CDH13: variants seen among roughly 807,000 people sequenced by gnomAD.
The protein encoded by CDH13 is cadherin 13, also known as cadherin-13.
Under a neutral mutation model 63.8 loss-of-function variants are expected in CDH13, and 24 were observed. The ratio of observed to expected loss-of-function variants is 0.38; its 90% CI spans 0.27 to 0.53. The LOEUF is 0.53. Ranked by LOEUF, CDH13 falls within the 20% of genes least tolerant of loss-of-function variation. CDH13 has a pLI of 0.85. For missense variants in CDH13, 1,049 were observed against 903.1 expected, an observed-to-expected ratio of 1.16 and a Z score of -2.07; for synonymous variants, 503 against 355.3, an observed-to-expected ratio of 1.42 and a Z score of -4.67.
chr16:82,811,929 C>T (rs999324986), intron 1 of CDH13, among the ~76,000 whole-genome samples: 1 of 152,084 alleles, frequency 6.6e-6, no homozygotes, highest in Non-Finnish European at 1.5e-5. Context: ...TTTGAAGTGC[C>T]TTTTGAGTAT....
chr16:83,686,567 C>T (rs924193235), intron 10 of CDH13, among the ~76,000 whole-genome samples: 1 of 152,158 alleles, frequency 6.6e-6, no homozygotes, highest in South Asian at 2.1e-4. Context: ...TTTACATTTG[C>T]AAACTATTTG....
intron 7 of CDH13, among the ~76,000 whole-genome samples, chr16:83,567,894 C>A (rs1180873440): frequency 6.6e-6 from 1 of 152,204 alleles, no homozygotes; most frequent in Non-Finnish European, 1.5e-5. Flanking sequence ...CACGCCCGGC[C>A]TAGACACAAG....
intron 8 of CDH13, among the ~76,000 whole-genome samples, chr16:83,647,698 G>A (rs1911966859): frequency 6.6e-6 from 1 of 152,114 alleles, no homozygotes; most frequent in African/African-American, 2.4e-5. Flanking sequence ...CCCCTCAAAT[G>A]GCCCATCTTT....
chr16:82,744,058 A>G (rs1567490283), intron 1 of CDH13, among the ~76,000 whole-genome samples: 1 of 152,198 alleles, frequency 6.6e-6, no homozygotes, highest in African/African-American at 2.4e-5. Context: ...CTATTTCTTA[A>G]TGGAGAGATT....
intron 5 of CDH13, among the ~76,000 whole-genome samples, chr16:83,251,579 G>C (rs922988454): frequency 1.3e-5 from 2 of 152,206 alleles, no homozygotes; most frequent in Non-Finnish European, 2.9e-5. Context: ...ACTGAATCCT[G>C]AATGTCAGGA....
At chr16:83,651,943 TCA>T (rs1912422792) in intron 8 of CDH13, among the ~76,000 whole-genome samples, 1 of 152,170 alleles carries the variant, frequency 6.6e-6, no homozygotes, top group Admixed American at 6.5e-5. Flanking sequence ...GCGTCTCTCC[TCA>T]CGCAGATTTT....
intron 3 of CDH13, among the ~76,000 whole-genome samples, chr16:83,105,613 A>G (rs997401541): frequency 7.2e-5 from 11 of 152,228 alleles, no homozygotes; most frequent in African/African-American, 1.9e-4. Context: ...AGAGGTTGCC[A>G]TGTGATATTA....
chr16:82,839,426 C>T (rs140261950), intron 1 of CDH13, among the ~76,000 whole-genome samples: 1 of 152,288 alleles, frequency 6.6e-6, no homozygotes, highest in Non-Finnish European at 1.5e-5. Context: ...CCATCAATTT[C>T]CTGCTGGGAT....
At chr16:83,534,264 G>A (rs1374393095) in intron 7 of CDH13, among the ~76,000 whole-genome samples, 1 of 152,194 alleles carries the variant, frequency 6.6e-6, no homozygotes, top group African/African-American at 2.4e-5. Flanking sequence ...TTCAGAGGCA[G>A]AGCTGTGGAT....
At chr16:83,456,388 G>A (rs924216783) in intron 6 of CDH13, among the ~76,000 whole-genome samples, 13 of 152,176 alleles carry the variant, frequency 8.5e-5, no homozygotes, top group Non-Finnish European at 1.6e-4. Context: ...ACATGGTCCC[G>A]GGCTTTGGAA....
chr16:82,672,167 C>G (rs1913328104), intron 1 of CDH13, among the ~76,000 whole-genome samples: 1 of 152,170 alleles, frequency 6.6e-6, no homozygotes, highest in Non-Finnish European at 1.5e-5. Context: ...CAAGGTATAC[C>G]TCTTAAGGCT....
chr16:83,458,177 G>T (rs962038085), intron 6 of CDH13, among the ~76,000 whole-genome samples: 1 of 152,172 alleles, frequency 6.6e-6, no homozygotes, highest in African/African-American at 2.4e-5. Flanking sequence ...GCTCCTGCTG[G>T]ATCCAGGATC....
intron 5 of CDH13, among the ~76,000 whole-genome samples, chr16:83,311,540 A>G (rs1007942938): frequency 3.3e-5 from 5 of 152,170 alleles, no homozygotes; most frequent in South Asian, 2.1e-4. Flanking sequence ...TCACAAATGC[A>G]TATGCTATGA....
intron 4 of CDH13, among the ~76,000 whole-genome samples, chr16:83,166,327 G>A (rs1048579323): frequency 6.6e-6 from 1 of 152,086 alleles, no homozygotes; most frequent in South Asian, 2.1e-4. Flanking sequence ...CAGCGGGGAG[G>A]AAGGGGCTTA....
chr16:82,874,355 C>G (rs761137346), intron 2 of CDH13, among the ~76,000 whole-genome samples: 3 of 152,050 alleles, frequency 2.0e-5, no homozygotes, highest in Non-Finnish European at 2.9e-5. Context: ...ACATCCCGGC[C>G]ACTTCTGGGA....
intron 2 of CDH13, among the ~76,000 whole-genome samples, chr16:82,881,879 G>C (rs2040715474): frequency 6.6e-6 from 1 of 152,006 alleles, no homozygotes; most frequent in African/African-American, 2.4e-5. Context: ...CCCTTTTTGA[G>C]GCTGGCACCA....
chr16:83,236,069 A>G (rs1008169559), intron 5 of CDH13, among the ~76,000 whole-genome samples: 1 of 152,202 alleles, frequency 6.6e-6, no homozygotes, highest in African/African-American at 2.4e-5. Flanking sequence ...AAATGTGCCT[A>G]TTTTAAGCCT....
chr16:82,911,830 A>G (rs1176821582), intron 2 of CDH13, among the ~76,000 whole-genome samples: 1 of 151,984 alleles, frequency 6.6e-6, no homozygotes, highest in Non-Finnish European at 1.5e-5. Context: ...AAATTCCCCA[A>G]AAGCCCCGTG....
At chr16:82,861,335 AG>A (rs1215529708) in intron 2 of CDH13, among the ~76,000 whole-genome samples, 4 of 152,156 alleles carry the variant, frequency 2.6e-5, no homozygotes, top group African/African-American at 9.7e-5. Flanking sequence ...TTTGTGTTGC[AG>A]GGGGTGTAAA....
Sources: gnomAD v4.1 joint callset for allele counts (sites outside exome capture counted in the v4.1 genomes callset) on GRCh38, gnomAD v4.1.1 for gene constraint, MANE v1.5 for transcripts, NCBI Gene and HGNC (gene_info 2026-07-23, HGNC 2026-07-21) for gene names.